Variants in TUT7 observed in about 807,000 individuals in gnomAD.
The protein encoded by TUT7 is terminal uridylyltransferase 7.
TUT7 carries 33 observed loss-of-function variants against 165.9 expected under a neutral mutation model. The observed-to-expected ratio is 0.20, with a 90% CI of 0.15 to 0.27. The LOEUF is 0.27. Ranked by LOEUF, TUT7 falls within the 10% of genes least tolerant of loss-of-function variation. TUT7 has a pLI of 1.00. For missense variants in TUT7, 1,338 were observed against 1,762.3 expected, an observed-to-expected ratio of 0.76 and a Z score of 4.31; for synonymous variants, 552 against 608.1, an observed-to-expected ratio of 0.91 and a Z score of 1.36.
At chr9:86,317,335 G>A in intron 16 of TUT7, 59 bp from the exon 17 acceptor site, 1 of 1,366,210 alleles carries the variant, frequency 7.3e-7, no homozygotes, top group Non-Finnish European at 1.0e-6. Flanking sequence ...TCTGAAACTG[G>A]CTATAGTTTC....
rs1384503635 is a variant in TUT7 at position 86,311,873 on chromosome 9, T to C, written c.3275-1064A>G. ...CTAACCACGAGTGATCCGCCAGCCT[T>C]GGCCTCCGGAGGTGCCGGGATTGCA... On this transcript the variant is annotated intron_variant, in intron 17 of 26. Transcript: ENST00000375963. This position sits in a 1 kb window ranked among gnomAD's most constrained non-coding sequence, Gnocchi z 4.4. Among the ~76,000 whole-genome samples the C allele has an allele frequency of 6.6e-6, 1 of 152,212 alleles. No individual in the cohort carries two copies. The highest frequency in any genetic ancestry group is 1.5e-5 in the Non-Finnish European group (1 of 68,038).
At chr9:86,333,884 G>A (rs1448622517) in intron 10 of TUT7, among the ~76,000 whole-genome samples, 4 of 152,112 alleles carry the variant, frequency 2.6e-5, no homozygotes, top group East Asian at 1.9e-4. Context: ...TGCAGCTGTC[G>A]TAGCTGAAAA....
rs1175619896 is a variant in TUT7, at chr9:86,308,584, C to G, written c.3683G>C (p.Gly1228Ala). ...DELPTYWSECGKNTESVGQLW... is the reference protein window; with the variant it reads ...DELPTYWSECAKNTESVGQLW... ...CTGCCCAACAGATTCTGTATTTTTT[C>G]CACATTCTGACCAATAGGTAGGCTA... Residue 1228 changes from glycine (G) to alanine (A), a missense_variant, in exon 22 of 27, where the codon GGA becomes GCA. Physicochemically the swap from Gly to Ala is moderately conservative, Grantham distance 60. Around this residue, in one of 7 missense-constraint regions of TUT7, gnomAD observed 157 missense variants for 357.5 expected, o/e 0.44. Transcript: ENST00000375963. 2.5e-6 allele frequency: 4 copies of G among 1,613,154 alleles called. No homozygotes were observed. Among genetic ancestry groups the G allele is most frequent in the Middle Eastern group, 3.3e-4 (2 of 6,062 alleles).
chr9:86,345,450 T>C (rs1202825633), intron 4 of TUT7, among the ~76,000 whole-genome samples: 1 of 152,224 alleles, frequency 6.6e-6, no homozygotes, highest in Non-Finnish European at 1.5e-5. Flanking sequence ...CTGGGTCCTA[T>C]CAATGACTTC....
intron 20 of TUT7, 74 bp from the exon 21 acceptor site, chr9:86,309,363 G>T: frequency 7.1e-7 from 1 of 1,416,666 alleles, no homozygotes; most frequent in Non-Finnish European, 9.7e-7. Context: ...TAGGAAAATA[G>T]GTAAAAAATT....
Position 86,338,867 on chromosome 9 carries a change from G to T in TUT7, c.1291C>A (p.Pro431Thr). Residue 431 changes from proline to threonine, a missense_variant, in exon 9 of 27, where the codon CCA becomes ACA. Physicochemically the swap from Pro to Thr is conservative, Grantham distance 38. This residue lies in a region of TUT7 where 74 missense variants were observed against 128.5 expected (regional missense o/e 0.58). Coordinates refer to ENST00000375963, the MANE Select transcript of TUT7 (RefSeq NM_024617.4). Reference protein sequence around the residue: ...KHLTALGKLEPKLVPLVIAFR... With the variant: ...KHLTALGKLETKLVPLVIAFR... ...GCAATCACCAAAGGAACCAGCTTTGGTTCTAGTTTTCCAAGGGCAGTTAAA... is the reference window on the plus strand; with the variant it reads ...GCAATCACCAAAGGAACCAGCTTTGTTTCTAGTTTTCCAAGGGCAGTTAAA... 6.2e-7 allele frequency: 1 copy of T among 1,611,374 alleles called. No individual in the cohort carries two copies. The highest frequency in any genetic ancestry group is 8.5e-7 in the Non-Finnish European group (1 of 1,178,808).
intron 22 of TUT7, 94 bp downstream of exon 22, chr9:86,308,335 A>C: frequency 1.7e-6 from 2 of 1,177,502 alleles, no homozygotes; most frequent in Non-Finnish European, 2.4e-6. Context: ...TGCACACCCC[A>C]AGCAGCTGGA....
intron 19 of TUT7, 51 bp from the exon 20 acceptor site, chr9:86,309,627 T>G (rs1285497929): frequency 1.4e-6 from 2 of 1,393,440 alleles, no homozygotes; most frequent in African/African-American, 2.9e-5. Flanking sequence ...TTCTGCTAAC[T>G]TTGCATCCAT....
chr9:86,335,693 G>T (rs534605198), intron 10 of TUT7, among the ~76,000 whole-genome samples: 1 of 152,280 alleles, frequency 6.6e-6, no homozygotes, highest in Admixed American at 6.5e-5. Context: ...ATTTTCTGCA[G>T]AAATAATGTA....
chr9:86,346,194 C>T (rs1831744718), intron 3 of TUT7, 105 bp downstream of exon 3: 3 of 1,118,100 alleles, frequency 2.7e-6, no homozygotes, highest in Non-Finnish European at 3.8e-6. Context: ...ATACTGATAA[C>T]CAAAGTAGGA....
At chr9:86,302,251 A>G (rs775787052) in intron 25 of TUT7, among the ~76,000 whole-genome samples, 11 of 152,158 alleles carry the variant, frequency 7.2e-5, no homozygotes, top group South Asian at 2.1e-4. Context: ...TTGCCCCCCA[A>G]TAAACGCCAC....
At chr9:86,304,104 A>G (rs892776991) in intron 24 of TUT7, among the ~76,000 whole-genome samples, 8 of 151,174 alleles carry the variant, frequency 5.3e-5, no homozygotes, top group Non-Finnish European at 1.0e-4. Flanking sequence ...CAAGATAACT[A>G]AGAGTAAATC....
Position 86,343,128 on chromosome 9 carries a change from T to C in TUT7, c.1033A>G (p.Arg345Gly), listed in dbSNP as rs112306304. The change falls in exon 6 of 27, where the codon AGA (arginine) becomes GGA (glycine). Residue 345 changes from arginine (R) to glycine (G), a missense_variant. Around this residue, in one of 7 missense-constraint regions of TUT7, gnomAD observed 434 missense variants for 480.8 expected, o/e 0.90. Coordinates refer to ENST00000375963, the MANE Select transcript of TUT7 (RefSeq NM_024617.4). ...SLRLYGSSCS[R>G]LGFKNSDVNI... ...ACATCCGAATTTTTGAAACCCAATC[T>C]GCTACAGGATGACCCATATAATCTT... 1.1e-4 allele frequency: 176 copies of C among 1,601,474 alleles called. No individual in the cohort carries two copies. The African/African-American group carries it at 1.9e-3, about 17-fold the overall frequency.
chr9:86,318,628 T>C (rs1489782638), intron 16 of TUT7, among the ~76,000 whole-genome samples: 1 of 152,188 alleles, frequency 6.6e-6, no homozygotes, highest in Non-Finnish European at 1.5e-5. Flanking sequence ...GGTAACAAAC[T>C]TTACAGGTAA....
chr9:86,349,965 A>G (rs922625863), intron 2 of TUT7, among the ~76,000 whole-genome samples: 3 of 152,056 alleles, frequency 2.0e-5, no homozygotes, highest in Admixed American at 1.3e-4. Context: ...AAAACATATA[A>G]AAGTTTTTGT....
chr9:86,318,128 T>C (rs1162402448), intron 16 of TUT7, among the ~76,000 whole-genome samples: 1 of 152,172 alleles, frequency 6.6e-6, no homozygotes, highest in Non-Finnish European at 1.5e-5. Flanking sequence ...CATCATTCAT[T>C]TGGATATTTA....
At chr9:86,333,619 T>A (rs1001386787) in intron 10 of TUT7, among the ~76,000 whole-genome samples, 1 of 152,248 alleles carries the variant, frequency 6.6e-6, no homozygotes, top group Non-Finnish European at 1.5e-5. Context: ...TATTCTTGCA[T>A]GTTGTCCATT....
At chr9:86,339,968 A>T (rs750696425) in intron 8 of TUT7, 68 bp downstream of exon 8, 1 of 1,162,628 alleles carries the variant, frequency 8.6e-7, no homozygotes, top group Non-Finnish European at 1.3e-6. Flanking sequence ...GGACATTAAG[A>T]TGTAGTAAAG....
chr9:86,325,605 T>C, intron 11 of TUT7, 91 bp from the exon 12 acceptor site: 1 of 1,227,602 alleles, frequency 8.1e-7, no homozygotes, highest in Non-Finnish European at 1.1e-6. Context: ...ATTAAAAAAA[T>C]CTGGAAAACC....
Sources: gnomAD v4.1 joint callset for allele counts (sites outside exome capture counted in the v4.1 genomes callset) on GRCh38, gnomAD v4.1.1 for gene constraint, gnomAD v4.1.1 regional missense constraint, Gnocchi (gnomAD v3.1) non-coding constraint, MANE v1.5 for transcripts, NCBI Gene and HGNC (gene_info 2026-07-23, HGNC 2026-07-21) for gene names.